Variants in NACC1 observed in about 807,000 individuals in gnomAD.
The protein encoded by NACC1 is nucleus accumbens associated 1.
NACC1 carries 6 observed loss-of-function variants against 41.7 expected under a neutral mutation model. The ratio of observed to expected loss-of-function variants is 0.14; its 90% CI spans 0.08 to 0.28. The LOEUF is 0.28. Among genes scored for constraint, NACC1 ranks in the 10% least tolerant of loss-of-function variants. The pLI, the probability that NACC1 is intolerant of heterozygous loss-of-function variation, is 1.00. For missense variants in NACC1, 434 were observed against 763.7 expected (o/e 0.57, Z 5.09); for synonymous variants, 338 against 330.6 (o/e 1.02, Z -0.24).
rs563629835 is a variant in NACC1 at position 13,133,832 on chromosome 19, C to T, written c.-8-1368C>T. ...GGGTCATATGGTAACTCTCTTTAAC[C>T]GTTTGAGGAACCGTCAGACTGTTCT... On this transcript the variant is annotated intron_variant, in intron 1 of 5. Coordinates refer to ENST00000292431, the MANE Select transcript of NACC1 (RefSeq NM_052876.4). Among the ~76,000 whole-genome samples, 124 of 152,170 alleles carry T rather than the reference C, an allele frequency of 8.1e-4. 1 individual carries two copies. Among genetic ancestry groups the T allele is most frequent in the Non-Finnish European group, 1.3e-3 (88 of 68,006 alleles).
At chr19:13,131,747 G>A (rs1224315639) in intron 1 of NACC1, 1 of 152,230 alleles carries the variant, frequency 6.6e-6, no homozygotes, top group East Asian at 1.9e-4. Context: ...ATACAAGCAA[G>A]GGAAGTCACA....
At chr19:13,127,371 C>CTTTTTTATTTTTTTTTT (rs2019576531) in intron 1 of NACC1, among the ~76,000 whole-genome samples, 1 of 28,510 alleles carries the variant, frequency 3.5e-5, no homozygotes. Flanking sequence ...TATACATATA[C>CTTTTTTATTTTTTTTTT]TTTTTTTTTT....
Position 13,137,284 on chromosome 19 carries a change from C to T in NACC1, c.1134C>T (p.Tyr378=), listed in dbSNP as rs779749676. ...KLELVTGTNV[Y]ITRAQLMNCH... ...TCCTCTCACCAGGCACCAACGTGTA[C>T]ATCACAAGGGCGCAGCTGATGAACT... The change falls in exon 4 of 6, where the codon TAC becomes TAT. Residue 378 remains tyrosine (Y), a synonymous_variant. Coordinates refer to ENST00000292431, the MANE Select transcript of NACC1 (RefSeq NM_052876.4). This position sits in a 1 kb window ranked among gnomAD's most constrained non-coding sequence, Gnocchi z 6.1. 1 of 1,613,746 alleles carries T rather than the reference C, an allele frequency of 6.2e-7. No individual in the cohort carries two copies. The highest frequency in any genetic ancestry group is 8.5e-7 in the Non-Finnish European group (1 of 1,179,916).
Position 13,137,173 on chromosome 19 carries a change from C to T in NACC1, c.1121-98C>T. 8.5e-7 allele frequency: 1 copy of T among 1,175,106 alleles called. No individual in the cohort carries two copies. The highest frequency in any genetic ancestry group is 1.3e-6 in the Non-Finnish European group (1 of 799,850). 72.8% of individuals were successfully genotyped at this position (1,175,106 alleles called of 1,614,324 possible). On this transcript the variant is annotated intron_variant, in intron 3 of 5. Transcript: ENST00000292431. This position sits in a 1 kb window ranked among gnomAD's most constrained non-coding sequence, Gnocchi z 6.1. ...AGTTTTCTTGGGACCCAGAGCCCAG[C>T]AGGGAGGGCCTGGGGTGTTCTGAGA...
Position 13,136,578 on chromosome 19 carries a change from A to T in NACC1, c.1120+173A>T, listed in dbSNP as rs1333994117. Among the ~76,000 whole-genome samples the T allele has an allele frequency of 6.6e-6, 1 of 152,136 alleles. No individual in the cohort carries two copies. The highest frequency in any genetic ancestry group is 1.9e-4 in the East Asian group (1 of 5,170). ...GCGTTGGTGAGATGGAGGAGCTGATACAGCAAGGCCTGGCCTCTAGGTTTC... is the reference window on the plus strand; with the variant it reads ...GCGTTGGTGAGATGGAGGAGCTGATTCAGCAAGGCCTGGCCTCTAGGTTTC... On this transcript the variant is annotated intron_variant, in intron 3 of 5. Transcript: ENST00000292431. The surrounding 1 kb of genome is among the most constrained non-coding windows in gnomAD (Gnocchi z 5.5).
In NACC1 at chr19:13,138,401, C is replaced by T; in HGVS notation, c.1579C>T (p.Gln527Ter). ...GGCGGGTCCCTCGGCTGAAGCCCTGCAGTAACCCGCCCAGCCTCCCGCGGG... is the reference window on the plus strand; with the variant it reads ...GGCGGGTCCCTCGGCTGAAGCCCTGTAGTAACCCGCCCAGCCTCCCGCGGG... ...GEAGPSAEAL[Q>*] The change falls in exon 6 of 6, where the codon CAG becomes TAG. Residue 527 changes from glutamine to a stop codon, truncating the protein, a stop_gained. Transcript: ENST00000292431. LOFTEE classifies it high-confidence loss of function. This position sits in a 1 kb window ranked among gnomAD's most constrained non-coding sequence, Gnocchi z 5.7. The T allele has an allele frequency of 3.7e-6, 6 of 1,610,098 alleles. No individual in the cohort carries two copies. The South Asian group carries it at 5.5e-5, about 15-fold the overall frequency.
intron 1 of NACC1, among the ~76,000 whole-genome samples, chr19:13,121,506 G>T (rs1312513423): frequency 6.6e-6 from 1 of 152,202 alleles, no homozygotes; most frequent in Non-Finnish European, 1.5e-5. Flanking sequence ...GCCCCAGCAG[G>T]TTCTTGAGCT....
At chr19:13,121,153 C>G (rs1377383869) in intron 1 of NACC1, among the ~76,000 whole-genome samples, 1 of 152,158 alleles carries the variant, frequency 6.6e-6, no homozygotes, top group Non-Finnish European at 1.5e-5. Flanking sequence ...CGGAAGTGTT[C>G]CCGGAGAGCT....
In NACC1 at chr19:13,135,201, C is replaced by T. The variant is rs767652412; in HGVS notation, c.-7C>T. On this transcript the variant is annotated splice_region_variant and 5_prime_UTR_variant, in exon 2 of 6. Transcript: ENST00000292431. ...CATTCCTCCCTGCCCCTCGTGCAGCCGCTGCCATGGCCCAGACACTGCAGA... is the reference window on the plus strand; with the variant it reads ...CATTCCTCCCTGCCCCTCGTGCAGCTGCTGCCATGGCCCAGACACTGCAGA... 28 of 1,567,554 alleles carry T rather than the reference C, an allele frequency of 1.8e-5. No homozygotes were observed. The highest frequency in any genetic ancestry group is 3.5e-5 in the South Asian group (3 of 84,716).
chr19:13,131,550 A>G (rs1190432156), intron 1 of NACC1: 3 of 152,284 alleles, frequency 2.0e-5, no homozygotes, highest in Non-Finnish European at 4.4e-5. Flanking sequence ...CAGAGTGGCC[A>G]GCTCCTGGCC....
Position 13,120,846 on chromosome 19 carries a change from G to A in NACC1, c.-9+2392G>A, listed in dbSNP as rs138805709. ...TTTGTGCCTAGAGGTAGAGGAGAAGGCACCAGTAATAACTGCTTTTCGGTG... is the reference window on the plus strand; with the variant it reads ...TTTGTGCCTAGAGGTAGAGGAGAAGACACCAGTAATAACTGCTTTTCGGTG... On this transcript the variant is annotated intron_variant, in intron 1 of 5. Coordinates refer to ENST00000292431, the MANE Select transcript of NACC1 (RefSeq NM_052876.4). Among the ~76,000 whole-genome samples, 158 of 152,310 alleles carry A rather than the reference G, an allele frequency of 1.0e-3. 1 individual carries two copies. In the Middle Eastern group the frequency reaches 0.017, roughly 16 times the overall value.
chr19:13,127,400 T>TTTTTTTTTTTTTTTTTTTTTTTTC (rs1245933408), intron 1 of NACC1, among the ~76,000 whole-genome samples: 2 of 100,826 alleles, frequency 2.0e-5, no homozygotes, highest in African/African-American at 7.8e-5. Context: ...TTTTTTTTTT[T>TTTTTTTTTTTTTTTTTTTTTTTTC]CGGTTAACTG....
chr19:13,124,159 G>T (rs1318903190), intron 1 of NACC1, among the ~76,000 whole-genome samples: 5 of 152,194 alleles, frequency 3.3e-5, no homozygotes, highest in African/African-American at 1.2e-4. Flanking sequence ...AGCTCTTTGG[G>T]AGGCTGAGGT....
chr19:13,125,669 C>T (rs2019553063), intron 1 of NACC1, among the ~76,000 whole-genome samples: 1 of 152,150 alleles, frequency 6.6e-6, no homozygotes. Context: ...ATCCGCCTGT[C>T]TCTGCCTCCC....
Position 13,135,564 on chromosome 19 carries a change from C to T in NACC1, c.357C>T (p.Phe119=), listed in dbSNP as rs2145623351. ...IQEIMEKGTE[F]FLKVSSPSCD... is the part of the protein sequence containing the mutation. The stretch of plus-strand genomic sequence containing the variant: ...AGATCATGGAGAAGGGCACCGAGTT[C>T]TTCCTCAAGGTGAGCTCCCCGAGCT... Residue 119 remains phenylalanine (F), a synonymous_variant, in exon 2 of 6, where the codon TTC becomes TTT. Transcript: ENST00000292431. 6.2e-7 allele frequency: 1 copy of T among 1,608,450 alleles called. No homozygotes were observed. Among genetic ancestry groups the T allele is most frequent in the East Asian group, 2.2e-5 (1 of 44,654 alleles).
intron 1 of NACC1, among the ~76,000 whole-genome samples, chr19:13,130,690 C>G (rs1212460215): frequency 6.6e-6 from 1 of 152,050 alleles, no homozygotes; most frequent in Non-Finnish European, 1.5e-5. Flanking sequence ...TGTGCACCAC[C>G]ACACCCGGCT....
At chr19:13,127,723 T>C (rs1272891338) in intron 1 of NACC1, among the ~76,000 whole-genome samples, 1 of 150,534 alleles carries the variant, frequency 6.6e-6, no homozygotes, top group African/African-American at 2.4e-5. Context: ...ATGTAGCTCC[T>C]GTGGTCCCAG....
intron 1 of NACC1, among the ~76,000 whole-genome samples, chr19:13,129,074 G>A (rs1022421258): frequency 6.6e-6 from 1 of 152,192 alleles, no homozygotes; most frequent in African/African-American, 2.4e-5. Context: ...CCGGGGTGGG[G>A]CAGGAGAGGG....
At chr19:13,128,489 A>C (rs2019593076) in intron 1 of NACC1, among the ~76,000 whole-genome samples, 1 of 152,162 alleles carries the variant, frequency 6.6e-6, no homozygotes, top group South Asian at 2.1e-4. Context: ...TGGGGCTCAG[A>C]GTTTCAATCT....
Sources: gnomAD v4.1 joint callset for allele counts (sites outside exome capture counted in the v4.1 genomes callset) on GRCh38, gnomAD v4.1.1 for gene constraint, Gnocchi (gnomAD v3.1) non-coding constraint, MANE v1.5 for transcripts, NCBI Gene and HGNC (gene_info 2026-07-23, HGNC 2026-07-21) for gene names.